The following PRKDC variants were observed in gnomAD, a reference collection of about 807,000 sequenced individuals.
PRKDC encodes DNA-dependent protein kinase catalytic subunit.
In PRKDC, 82 loss-of-function variants were observed where a neutral mutation model predicts 486.9. The ratio of observed to expected loss-of-function variants is 0.17; its 90% CI spans 0.14 to 0.20. The LOEUF (loss-of-function observed/expected upper bound fraction) is 0.20, where lower values mean the gene tolerates loss of function less well. PRKDC is among the 10% of genes least tolerant of loss of function. The pLI, the probability that PRKDC is intolerant of heterozygous loss-of-function variation, is 1.00. For synonymous variants in PRKDC, 1,895 were observed against 1,837.0 expected, an observed-to-expected ratio of 1.03 and a Z score of -0.81; for missense variants, 4,504 against 5,038.2, an observed-to-expected ratio of 0.89 and a Z score of 3.21.
At chr8:47,916,910 CA>C (rs1360075160) in intron 22 of PRKDC, among the ~76,000 whole-genome samples, 2 of 152,126 alleles carry the variant, frequency 1.3e-5, no homozygotes, top group African/African-American at 4.8e-5. Context: ...CTGGATCCCC[CA>C]GGGGTCACAG....
At chr8:47,836,978 G>A (rs2088039064) in intron 57 of PRKDC, among the ~76,000 whole-genome samples, 1 of 152,242 alleles carries the variant, frequency 6.6e-6, no homozygotes, top group Non-Finnish European at 1.5e-5. Flanking sequence ...TGGATTGGGA[G>A]GAATGAGGGG....
intron 68 of PRKDC, among the ~76,000 whole-genome samples, chr8:47,809,609 C>T (rs1563745955): frequency 6.6e-6 from 1 of 152,138 alleles, no homozygotes; most frequent in Non-Finnish European, 1.5e-5. Context: ...AGTTACACTG[C>T]GTGACATGTT....
At chr8:47,886,237 G>T in intron 35 of PRKDC, 90 bp from the exon 36 acceptor site, 1 of 1,088,196 alleles carries the variant, frequency 9.2e-7, no homozygotes, top group Non-Finnish European at 1.3e-6. Flanking sequence ...TTTGAAATTG[G>T]AAAATGACAC....
chr8:47,819,661 CAG>C (rs1206652437), intron 66 of PRKDC, among the ~76,000 whole-genome samples, 151 bp from the exon 67 acceptor site: 2 of 151,900 alleles, frequency 1.3e-5, no homozygotes, highest in Non-Finnish European at 2.9e-5. Flanking sequence ...AATTAGATCA[CAG>C]ACAGTTAACA....
rs768475760 is a variant in PRKDC at position 47,852,730 on chromosome 8, A to G, written c.6948T>C (p.Tyr2316=). The stretch of plus-strand genomic sequence containing the variant: ...GTCCTAGAACTTCTGCTGCAGCGGC[A>G]TACACTTCTTTATATCTTACAAAGG... ...NMSFVRYKEV[Y]AAAAEVLGLI... Residue 2316 remains tyrosine, a synonymous_variant, in exon 52 of 86, where the codon TAT becomes TAC. Transcript: ENST00000314191. The G allele has an allele frequency of 5.1e-6, 8 of 1,581,894 alleles. No homozygotes were observed. In the South Asian group the frequency reaches 8.1e-5, roughly 16 times the overall value.
chr8:47,779,338 A>T (rs1487033446), intron 80 of PRKDC: 12 of 374,220 alleles, frequency 3.2e-5, no homozygotes, highest in Non-Finnish European at 5.7e-5. Context: ...AAATTCAGGT[A>T]CAAAACCATC....
At chr8:47,890,533 A>G in intron 31 of PRKDC, 53 bp from the exon 32 acceptor site, 1 of 1,355,414 alleles carries the variant, frequency 7.4e-7, no homozygotes, top group Non-Finnish European at 1.0e-6. Context: ...AACTCCACTA[A>G]GATTAACATA....
chr8:47,870,387 G>A (rs1213954078), intron 40 of PRKDC, among the ~76,000 whole-genome samples: 1 of 152,202 alleles, frequency 6.6e-6, no homozygotes, highest in Non-Finnish European at 1.5e-5. Flanking sequence ...AAGGAAACAA[G>A]AGTCTCTGCC....
rs2088112782 is a variant in PRKDC at position 47,840,369 on chromosome 8, T to TA, written c.7281-181dup. Among the ~76,000 whole-genome samples, 7 of 152,334 alleles carry TA rather than the reference T, an allele frequency of 4.6e-5. No individual in the cohort carries two copies. The South Asian group carries it at 1.5e-3, about 32-fold the overall frequency. ...CTAGATTATCAAATATAAGACAAAT[T>TA]ACTTCATGTGCTACCCTACACTGGA... On this transcript the variant is annotated intron_variant, in intron 54 of 85. Transcript: ENST00000314191.
Position 47,875,454 on chromosome 8 carries a change from A to G in PRKDC, c.5363+2270T>C, listed in dbSNP as rs142386211. Among the ~76,000 whole-genome samples the G allele has an allele frequency of 2.9e-3, 439 of 152,150 alleles. 3 individuals are homozygous for G. The highest frequency in any genetic ancestry group is 0.01 in the African/African-American group (430 of 41,504). Reference sequence around the variant, plus strand: ...TCTGTTTCCTATTCCCTTCCTTTGTATTACCTTGGTTTAGTTTTTTTCTTT... The same window carrying G: ...TCTGTTTCCTATTCCCTTCCTTTGTGTTACCTTGGTTTAGTTTTTTTCTTT... On this transcript the variant is annotated intron_variant, in intron 40 of 85. Coordinates refer to ENST00000314191, the MANE Select transcript of PRKDC (RefSeq NM_006904.7).
intron 56 of PRKDC, among the ~76,000 whole-genome samples, chr8:47,838,906 C>T (rs1442811385): frequency 2.0e-5 from 3 of 152,220 alleles, no homozygotes; most frequent in Admixed American, 2.0e-4. Flanking sequence ...CACTGCCCTA[C>T]CATACAGCAT....
At chr8:47,897,358 T>G (rs1230030159) in intron 29 of PRKDC, 64 bp from the exon 30 acceptor site, 5 of 1,431,014 alleles carry the variant, frequency 3.5e-6, no homozygotes, top group Non-Finnish European at 4.7e-6. Context: ...CTACCAAGGC[T>G]CTAGAAATCA....
chr8:47,774,039 T>C lies in PRKDC; in HGVS notation c.*134A>G, dbSNP rs1447432905. 2.3e-6 allele frequency: 2 copies of C among 872,614 alleles called. No individual in the cohort carries two copies. The highest frequency in any genetic ancestry group is 3.4e-5 in the African/African-American group (2 of 58,796). The allele number at this position is 872,614 out of a possible 1,614,324, so 54.1% of individuals were successfully genotyped here. ...TCATCATAATCTTGATTTAAACTCA[T>C]GCTACGAAACTGTAGCACAAAAGAC... On this transcript the variant is annotated 3_prime_UTR_variant, in exon 86 of 86. Coordinates refer to ENST00000314191, the MANE Select transcript of PRKDC (RefSeq NM_006904.7).
chr8:47,925,846 T>C (rs1250349052), intron 21 of PRKDC, among the ~76,000 whole-genome samples: 5 of 152,226 alleles, frequency 3.3e-5, no homozygotes, highest in Admixed American at 2.0e-4. Flanking sequence ...TGAATCTAGA[T>C]AGAACACATG....
chr8:47,927,348 A>T lies in PRKDC; in HGVS notation c.2265T>A (p.Ala755=). The change falls in exon 21 of 86, where the codon GCT becomes GCA. Residue 755 remains alanine (A), a synonymous_variant. Coordinates refer to ENST00000314191, the MANE Select transcript of PRKDC (RefSeq NM_006904.7). ...VRAYVPALQM[A]FKLGLSYTPL... ...GGGTATAGCTCAGGCCCAGTTTGAA[A>T]GCCATCTGTATGTTAATACAAACAA... is the stretch of plus-strand genomic sequence containing the variant. The T allele has an allele frequency of 1.2e-6, 2 of 1,610,678 alleles. No homozygotes were observed. The highest frequency in any genetic ancestry group is 1.7e-6 in the Non-Finnish European group (2 of 1,179,026).
chr8:47,892,596 G>T (rs2089485845), intron 31 of PRKDC, among the ~76,000 whole-genome samples: 1 of 152,130 alleles, frequency 6.6e-6, no homozygotes, highest in African/African-American at 2.4e-5. Context: ...TTCCCAAAGT[G>T]CTGGGATTAC....
intron 31 of PRKDC, 37 bp downstream of exon 31, chr8:47,893,102 G>T: frequency 1.3e-6 from 2 of 1,523,566 alleles, no homozygotes; most frequent in South Asian, 1.3e-5. Context: ...GACTCTGGCA[G>T]CACGACACAC....
chr8:47,906,231 C>T (rs907872900), intron 25 of PRKDC, among the ~76,000 whole-genome samples: 3 of 152,076 alleles, frequency 2.0e-5, no homozygotes, highest in African/African-American at 7.2e-5. Context: ...CCTGTAGTCC[C>T]AGCTACTCAG....
At chr8:47,823,185 A>G (rs1042416369) in intron 64 of PRKDC, among the ~76,000 whole-genome samples, 9 of 151,634 alleles carry the variant, frequency 5.9e-5, no homozygotes, top group African/African-American at 2.2e-4. Flanking sequence ...AAATTTCAAA[A>G]ATTAGCCAGG....
Sources: gnomAD v4.1 joint callset for allele counts (sites outside exome capture counted in the v4.1 genomes callset) on GRCh38, gnomAD v4.1.1 for gene constraint, MANE v1.5 for transcripts, NCBI Gene and HGNC (gene_info 2026-07-23, HGNC 2026-07-21) for gene names.